Variants in PRKN observed in about 807,000 individuals in gnomAD.
PRKN encodes the protein E3 ubiquitin-protein ligase parkin.
PRKN carries 56 observed loss-of-function variants against 59.5 expected under a neutral mutation model. The ratio of observed to expected loss-of-function variants is 0.94; its 90% CI spans 0.76 to 1.18. The LOEUF (loss-of-function observed/expected upper bound fraction) is 1.18, where lower values mean the gene tolerates loss of function less well. Ranked by LOEUF, PRKN falls within the 50% of genes most tolerant of loss-of-function variation. The pLI is 0.00. For missense variants in PRKN, 657 were observed against 596.4 expected, an observed-to-expected ratio of 1.10 and a Z score of -1.06; for synonymous variants, 250 against 222.1, an observed-to-expected ratio of 1.13 and a Z score of -1.12.
At chr6:162,368,460 G>A (rs373089997) in intron 2 of PRKN, among the ~76,000 whole-genome samples, 10 of 152,072 alleles carry the variant, frequency 6.6e-5, no homozygotes, top group Admixed American at 5.9e-4. Flanking sequence ...TTCTTAAAAC[G>A]CAACTATTCT....
intron 5 of PRKN, among the ~76,000 whole-genome samples, chr6:162,004,552 AT>A (rs1782175800): frequency 6.6e-6 from 1 of 152,226 alleles, no homozygotes; most frequent in African/African-American, 2.4e-5. Context: ...GATAATGAGC[AT>A]TTATTGTTGC....
At chr6:162,111,534 A>G (rs1442908310) in intron 4 of PRKN, among the ~76,000 whole-genome samples, 1 of 152,052 alleles carries the variant, frequency 6.6e-6, no homozygotes, top group Non-Finnish European at 1.5e-5. Flanking sequence ...GGACGTGCAC[A>G]CTCACATACA....
chr6:161,786,911 GAAA>G (rs11372289), intron 6 of PRKN, among the ~76,000 whole-genome samples: 1 of 150,716 alleles, frequency 6.6e-6, no homozygotes, highest in Non-Finnish European at 1.5e-5. Flanking sequence ...ATACTCTGTA[GAAA>G]AAAAAATCTT....
chr6:162,211,041 C>T (rs756123896), intron 3 of PRKN, among the ~76,000 whole-genome samples: 3 of 152,128 alleles, frequency 2.0e-5, no homozygotes, highest in Non-Finnish European at 2.9e-5. Flanking sequence ...AGACAGCACT[C>T]GGGGTCATCA....
At chr6:161,784,134 C>G (rs1562681726) in intron 7 of PRKN, among the ~76,000 whole-genome samples, 1 of 152,130 alleles carries the variant, frequency 6.6e-6, no homozygotes, top group South Asian at 2.1e-4. Context: ...TTACTTCACT[C>G]CAGGTACATA....
rs76976342 is a variant in PRKN, at chr6:162,155,703, C to G, written c.534+45428G>C. 1.9e-3 allele frequency among the ~76,000 whole-genome samples: 291 copies of G among 151,988 alleles called. 1 individual carries two copies. Among genetic ancestry groups the G allele is most frequent in the African/African-American group, 6.6e-3 (274 of 41,438 alleles). ...TAATCTCAATGCCCAGAAAAACTTG[C>G]CTTCATCCAATTCTAAGGAGCCACT... is the stretch of plus-strand genomic sequence containing the variant. On this transcript the variant is annotated intron_variant, in intron 4 of 11. Coordinates refer to ENST00000366898, the MANE Select transcript of PRKN (RefSeq NM_004562.3).
chr6:162,672,712 GT>G (rs1779379006), intron 1 of PRKN, among the ~76,000 whole-genome samples: 2 of 143,010 alleles, frequency 1.4e-5, no homozygotes, highest in Admixed American at 7.0e-5. Flanking sequence ...GTGTGTGTGT[GT>G]GTGTGTATGC....
At chr6:161,650,763 C>A (rs547402181) in intron 7 of PRKN, among the ~76,000 whole-genome samples, 1 of 152,162 alleles carries the variant, frequency 6.6e-6, no homozygotes, top group Non-Finnish European at 1.5e-5. Flanking sequence ...TGGCTCCTGG[C>A]ATGGTGTCTG....
rs371397636 is a variant in PRKN at position 162,469,358 on chromosome 6, GTGGGT to G, written c.8-25890_8-25886del. 3.5e-3 allele frequency among the ~76,000 whole-genome samples: 433 copies of G among 125,454 alleles called. 18 individuals are homozygous for G. Among genetic ancestry groups the G allele is most frequent in the East Asian group, 0.01 (37 of 3,602 alleles). The allele number at this position is 125,454 out of a possible 152,430, so 82.3% of individuals were successfully genotyped here. ...GAAAGTGGGGGGGTTGCAGGGGGGG[GTGGGT>G]GACAGAGGAAGTCATTCTACAAAAA... On this transcript the variant is annotated intron_variant, in intron 1 of 11. Coordinates refer to ENST00000366898, the MANE Select transcript of PRKN (RefSeq NM_004562.3).
intron 6 of PRKN, among the ~76,000 whole-genome samples, chr6:161,880,251 G>A (rs1794882316): frequency 6.6e-6 from 1 of 152,166 alleles, no homozygotes; most frequent in Admixed American, 6.5e-5. Context: ...CATGGCATAT[G>A]TGTATGGTGC....
At chr6:162,635,889 C>T (rs1331113420) in intron 1 of PRKN, among the ~76,000 whole-genome samples, 2 of 152,042 alleles carry the variant, frequency 1.3e-5, no homozygotes, top group African/African-American at 2.4e-5. Context: ...TGCTCTCAAC[C>T]ATAATGGCAC....
rs187247050 is a variant in PRKN at position 161,440,577 on chromosome 6, A to G, written c.1084-53700T>C. On this transcript the variant is annotated intron_variant, in intron 9 of 11. Transcript: ENST00000366898. The surrounding 1 kb of genome is among the most constrained non-coding windows in gnomAD (Gnocchi z 4.1). The stretch of plus-strand genomic sequence containing the variant: ...AGGGTTCCCTCACCAGGGGTCTGGG[A>G]GTTGCTGGAAATGGATAAGAAAATC... 3.9e-4 allele frequency among the ~76,000 whole-genome samples: 59 copies of G among 152,318 alleles called. No individual in the cohort carries two copies. Among genetic ancestry groups the G allele is most frequent in the African/African-American group, 1.3e-3 (54 of 41,568 alleles).
intron 9 of PRKN, among the ~76,000 whole-genome samples, chr6:161,452,032 T>G (rs1182044017): frequency 6.6e-6 from 1 of 152,024 alleles, no homozygotes; most frequent in Non-Finnish European, 1.5e-5. Context: ...CTTGGCTCAC[T>G]GCACCCTCCC....
rs934489775 is a variant in PRKN, at chr6:162,345,722, ATT to A, written c.172-82959_172-82958del. 4.8e-4 allele frequency among the ~76,000 whole-genome samples: 73 copies of A among 152,342 alleles called. 1 individual carries two copies. The highest frequency in any genetic ancestry group is 1.7e-3 in the African/African-American group (70 of 41,578). ...GAATTTTTATTCAGCAAAGTTATACATTCTCTTATGAATTTATATGACTTATC... is the reference window on the plus strand; with the variant it reads ...GAATTTTTATTCAGCAAAGTTATACACTCTTATGAATTTATATGACTTATC... On this transcript the variant is annotated intron_variant, in intron 2 of 11. Coordinates refer to ENST00000366898, the MANE Select transcript of PRKN (RefSeq NM_004562.3).
At chr6:161,673,581 G>A (rs878957072) in intron 7 of PRKN, among the ~76,000 whole-genome samples, 4 of 152,182 alleles carry the variant, frequency 2.6e-5, no homozygotes, top group Admixed American at 1.3e-4. Context: ...GAGTTGGGAC[G>A]TTATTTGACT....
At chr6:161,995,095 T>TAG (rs1274802753) in intron 5 of PRKN, among the ~76,000 whole-genome samples, 1 of 152,056 alleles carries the variant, frequency 6.6e-6, no homozygotes, top group African/African-American at 2.4e-5. Context: ...AACATACACA[T>TAG]AGAGCAATGG....
Position 161,518,597 on chromosome 6 carries a change from A to T in PRKN, c.1083+30257T>A, listed in dbSNP as rs1778702557. Among the ~76,000 whole-genome samples the T allele has an allele frequency of 6.6e-6, 1 of 152,126 alleles. No individual in the cohort carries two copies. The highest frequency in any genetic ancestry group is 6.5e-5 in the Admixed American group (1 of 15,284). On this transcript the variant is annotated intron_variant, in intron 9 of 11. Coordinates refer to ENST00000366898, the MANE Select transcript of PRKN (RefSeq NM_004562.3). The surrounding 1 kb of genome is among the most constrained non-coding windows in gnomAD (Gnocchi z 5.0). ...TCTGGCAAAGAGCATTATTGGTTCA[A>T]TGTTAATGCCACGGCCTCCCCCTAG...
At chr6:161,952,973 GC>G (rs1329924852) in intron 6 of PRKN, among the ~76,000 whole-genome samples, 3 of 152,156 alleles carry the variant, frequency 2.0e-5, no homozygotes, top group Non-Finnish European at 4.4e-5. Flanking sequence ...GCCAAGACAT[GC>G]CCACGTGAGC....
At chr6:162,110,123 GAAAT>G (rs1780361053) in intron 4 of PRKN, among the ~76,000 whole-genome samples, 1 of 152,152 alleles carries the variant, frequency 6.6e-6, no homozygotes, top group South Asian at 2.1e-4. Context: ...TGGGATAAAA[GAAAT>G]AAATTAATAT....
Sources: gnomAD v4.1 joint callset for allele counts (sites outside exome capture counted in the v4.1 genomes callset) on GRCh38, gnomAD v4.1.1 for gene constraint, Gnocchi (gnomAD v3.1) non-coding constraint, MANE v1.5 for transcripts, NCBI Gene and HGNC (gene_info 2026-07-23, HGNC 2026-07-21) for gene names.